The following ATR variants were observed in gnomAD, a reference collection of about 807,000 sequenced individuals.
The protein encoded by ATR is ATR checkpoint kinase, also known as serine/threonine-protein kinase ATR.
Under a neutral mutation model 305.3 loss-of-function variants are expected in ATR, and 142 were observed. That is an observed-to-expected ratio of 0.47 (90% CI 0.41 to 0.53). ATR has a LOEUF of 0.53. Ranked by LOEUF, ATR falls within the 20% of genes least tolerant of loss-of-function variation. The probability of loss-of-function intolerance (pLI) is 0.00; values close to 1 mark genes in which losing one functional copy is unlikely to be tolerated. For synonymous variants in ATR, 1,050 were observed against 1,068.1 expected, an observed-to-expected ratio of 0.98 and a Z score of 0.33; for missense variants, 2,135 against 3,133.1, an observed-to-expected ratio of 0.68 and a Z score of 7.60.
chr3:142,568,619 A>G (rs1258287717), intron 1 of ATR, among the ~76,000 whole-genome samples: 1 of 152,208 alleles, frequency 6.6e-6, no homozygotes, highest in Non-Finnish European at 1.5e-5. Flanking sequence ...GAGCCCAGCC[A>G]TCCTGGGTGC....
chr3:142,560,049 C>G (rs901986745), intron 6 of ATR, among the ~76,000 whole-genome samples: 8 of 152,182 alleles, frequency 5.3e-5, no homozygotes, highest in Non-Finnish European at 5.9e-5. Context: ...GCATAATAGC[C>G]TTTACCTTAC....
chr3:142,498,364 C>A (rs531004472), intron 32 of ATR, among the ~76,000 whole-genome samples: 1 of 152,240 alleles, frequency 6.6e-6, no homozygotes, highest in African/African-American at 2.4e-5. Context: ...AGAGGACAAA[C>A]ATAAGATATT....
chr3:142,577,663 T>G (rs1303576437), intron 1 of ATR, among the ~76,000 whole-genome samples: 2 of 152,260 alleles, frequency 1.3e-5, no homozygotes, highest in Admixed American at 1.3e-4. Flanking sequence ...GCTATCCCAT[T>G]GGCTTAATGT....
intron 24 of ATR, among the ~76,000 whole-genome samples, chr3:142,516,739 C>T (rs138462617): frequency 2.4e-4 from 37 of 152,254 alleles, no homozygotes; most frequent in Admixed American, 1.0e-3. Flanking sequence ...ATAAGGGCCA[C>T]GGCTCTCCCA....
intron 42 of ATR, 23 bp downstream of exon 42, chr3:142,461,917 T>A: frequency 6.2e-7 from 1 of 1,605,310 alleles, no homozygotes; most frequent in Non-Finnish European, 8.5e-7. Context: ...ACACTGTATA[T>A]GTATAAGAAT....
chr3:142,535,030 C>T (rs2108423883), intron 21 of ATR, 50 bp downstream of exon 21: 4 of 1,550,668 alleles, frequency 2.6e-6, no homozygotes, highest in Non-Finnish European at 2.6e-6. Context: ...TTTCTTTAAG[C>T]CTCCAATCTT....
intron 21 of ATR, among the ~76,000 whole-genome samples, chr3:142,525,944 C>T (rs1385865567): frequency 6.6e-6 from 1 of 152,170 alleles, no homozygotes; most frequent in East Asian, 1.9e-4. Context: ...ATTACCCAGC[C>T]TCAGGGTAAT....
At position 142,561,418 on chromosome 3, in the gene ATR, A is replaced by C; in HGVS notation, c.1174T>G (p.Leu392Val). Residue 392 changes from leucine (L) to valine (V), a missense_variant, in exon 5 of 47, where the codon TTG (leucine) becomes GTG (valine). Coordinates refer to ENST00000350721, the MANE Select transcript of ATR (RefSeq NM_001184.4). The stretch of plus-strand genomic sequence containing the variant: ...AAAGCTGCATAAAGTGGGCCCAACA[A>C]GTACTGAGAAAATAAAAAATAATTT... ...VLGIEVDAEY[L>V]LGPLYAALKM... 1 of 1,613,080 alleles carries C rather than the reference A, an allele frequency of 6.2e-7. No homozygotes were observed. The highest frequency in any genetic ancestry group is 8.5e-7 in the Non-Finnish European group (1 of 1,179,366).
At position 142,466,337 on chromosome 3, in the gene ATR, C is replaced by T. The variant is rs1160602567; in HGVS notation, c.6884G>A (p.Gly2295Glu). The change falls in exon 40 of 47, where the codon GGG (glycine) becomes GAG (glutamate). Residue 2295 changes from glycine to glutamate, a missense_variant. Gly to Glu is a moderately conservative substitution (Grantham distance 98). Transcript: ENST00000350721. ...ACTGAAGTTTACCATATCATCAAAC[C>T]CTGCAATATAGGCCCAATGTCCAGG... ...PFPGHWAYIA[G>E]FDDMVEILAS... is the part of the protein sequence containing the mutation. 1 of 1,613,414 alleles carries T rather than the reference C, an allele frequency of 6.2e-7. No individual in the cohort carries two copies. The highest frequency in any genetic ancestry group is 1.1e-5 in the South Asian group (1 of 91,046).
At position 142,553,706 on chromosome 3, in the gene ATR, T is replaced by C. The variant is rs750445328; in HGVS notation, c.2567A>G (p.His856Arg). 8.7e-6 allele frequency: 14 copies of C among 1,612,908 alleles called. No individual in the cohort carries two copies. The highest frequency in any genetic ancestry group is 1.1e-5 in the Non-Finnish European group (13 of 1,179,154). ...FVLRMKEAYT[H>R]AQISRNNELK... ...CTCATTATTTCTTGATATTTGGGCA[T>C]GTGTATATGCTTCCTTCATTCTTAA... The change falls in exon 12 of 47, where the codon CAT (histidine) becomes CGT (arginine). Residue 856 changes from histidine (H) to arginine (R), a missense_variant. Transcript: ENST00000350721.
At position 142,537,745 on chromosome 3, in the gene ATR, A is replaced by G. The variant is rs187113676; in HGVS notation, c.3725+737T>C. Among the ~76,000 whole-genome samples the G allele has an allele frequency of 7.5e-4, 114 of 151,730 alleles. 3 individuals carry two copies. In the East Asian group the frequency reaches 0.022, roughly 29 times the overall value. On this transcript the variant is annotated intron_variant, in intron 19 of 46. Transcript: ENST00000350721. ...TATACAACATTAAGTAAAATCACAG[A>G]AAAAAAATTAAATATATAAAAAGAC...
intron 35 of ATR, among the ~76,000 whole-genome samples, chr3:142,486,679 A>G (rs2030945410): frequency 6.6e-6 from 1 of 152,144 alleles, no homozygotes; most frequent in Non-Finnish European, 1.5e-5. Context: ...TATTTTGAAA[A>G]ATAAAGTTTA....
intron 16 of ATR, among the ~76,000 whole-genome samples, chr3:142,547,191 T>C (rs145407212): frequency 9.5e-5 from 14 of 147,768 alleles, no homozygotes; most frequent in African/African-American, 3.2e-4. Flanking sequence ...TACAAATTTA[T>C]GGTAGGGAAA....
At chr3:142,510,694 T>C (rs1577599990) in intron 27 of ATR, among the ~76,000 whole-genome samples, 2 of 152,206 alleles carry the variant, frequency 1.3e-5, no homozygotes, top group East Asian at 3.9e-4. Context: ...CTTTAAGGAC[T>C]GTTAGATAGT....
intron 23 of ATR, among the ~76,000 whole-genome samples, chr3:142,522,242 A>G (rs1370091444): frequency 6.6e-6 from 1 of 152,212 alleles, no homozygotes; most frequent in Non-Finnish European, 1.5e-5. Flanking sequence ...ACATAATGCT[A>G]TTGCACACCT....
intron 23 of ATR, among the ~76,000 whole-genome samples, chr3:142,522,522 AT>A (rs1377900331): frequency 6.6e-6 from 1 of 152,210 alleles, no homozygotes; most frequent in African/African-American, 2.4e-5. Flanking sequence ...ATATTTGTAT[AT>A]ACATACAAAA....
At chr3:142,530,062 T>C (rs1050213871) in intron 21 of ATR, among the ~76,000 whole-genome samples, 1 of 152,150 alleles carries the variant, frequency 6.6e-6, no homozygotes, top group African/African-American at 2.4e-5. Context: ...GTGAAATCTT[T>C]GCCAATCTTC....
chr3:142,463,120 C>T (rs2071055927), intron 41 of ATR, among the ~76,000 whole-genome samples: 1 of 151,986 alleles, frequency 6.6e-6, no homozygotes, highest in African/African-American at 2.4e-5. Context: ...GTGTGGCCTC[C>T]AAAACTAACA....
intron 36 of ATR, chr3:142,471,947 T>C (rs770334336): frequency 6.6e-6 from 1 of 152,200 alleles, no homozygotes; most frequent in Non-Finnish European, 1.5e-5. Context: ...TCAACATTTT[T>C]AGATTCTACA....
Sources: allele counts gnomAD v4.1 joint callset (sites outside exome capture counted in the v4.1 genomes callset), GRCh38; gene constraint gnomAD v4.1.1; transcripts MANE v1.5; gene names NCBI Gene and HGNC (gene_info 2026-07-23, HGNC 2026-07-21).